The following POM121 variants were observed in gnomAD, a reference collection of about 807,000 sequenced individuals.
The protein encoded by POM121 is POM121 transmembrane nucleoporin.
POM121 carries 32 observed loss-of-function variants against 81.3 expected under a neutral mutation model. That is an observed-to-expected ratio of 0.39 (90% CI 0.30 to 0.53). The LOEUF (loss-of-function observed/expected upper bound fraction) is 0.53, where lower values mean the gene tolerates loss of function less well. POM121 is among the 20% of genes least tolerant of loss of function. The probability of loss-of-function intolerance (pLI) is 0.66; values close to 1 mark genes in which losing one functional copy is unlikely to be tolerated. For missense variants in POM121, 1,138 were observed against 1,614.6 expected (o/e 0.70, Z 5.06); for synonymous variants, 514 against 694.2 (o/e 0.74, Z 4.08).
chr7:72,916,801 G>A (rs1794330194), intron 4 of POM121, among the ~76,000 whole-genome samples: 1 of 152,176 alleles, frequency 6.6e-6, no homozygotes, highest in South Asian at 2.1e-4. Flanking sequence ...CTATGAGCAT[G>A]GAATGTGTTT....
At chr7:72,893,813 C>G (rs1310360070) in intron 3 of POM121, among the ~76,000 whole-genome samples, 1 of 152,144 alleles carries the variant, frequency 6.6e-6, no homozygotes, top group African/African-American at 2.4e-5. Flanking sequence ...CTTCCGCTCC[C>G]TTGGGTCCCA....
intron 3 of POM121, among the ~76,000 whole-genome samples, chr7:72,893,756 C>T (rs1359637855): frequency 4.6e-5 from 7 of 152,046 alleles, no homozygotes; most frequent in South Asian, 2.1e-4. Flanking sequence ...CGTCAGCAAG[C>T]GCTCTGGCAG....
At chr7:72,938,449 C>G (rs1298724317) in intron 5 of POM121, 141 bp from the exon 6 acceptor site, 2 of 1,066,926 alleles carry the variant, frequency 1.9e-6, no homozygotes, top group African/African-American at 1.6e-5. Context: ...CCTTGGCCTC[C>G]CAGCATGCTG....
chr7:72,925,209 G>T lies in POM121; in HGVS notation c.88G>T (p.Gly30Trp). 1 of 1,524,668 alleles carries T rather than the reference G, an allele frequency of 6.6e-7. No individual in the cohort carries two copies. The highest frequency in any genetic ancestry group is 1.2e-5 in the South Asian group (1 of 82,942). The allele number at this position is 1,524,668 out of a possible 1,614,324, so 94.4% of individuals were successfully genotyped here. A position where few individuals can be genotyped will look rare whatever the true frequency, so the allele number is the denominator to read the frequency against. ...VRDGRGRGCG[G>W]PARAVLLGLS... ...GGACGGCCGGGGCCGGGGCTGCGGC[G>T]GGCCGGCCAGGGCGGTGCTCCTGGG... The change falls in exon 1 of 13, where the codon GGG (glycine) becomes TGG (tryptophan). Residue 30 changes from glycine (G) to tryptophan (W), a missense_variant. Coordinates refer to ENST00000434423, the MANE Select transcript of POM121 (RefSeq NM_001387691.1).
At chr7:72,943,607 T>C (rs1191084379) in intron 11 of POM121, 85 bp downstream of exon 11, 2 of 1,513,688 alleles carry the variant, frequency 1.3e-6, no homozygotes, top group East Asian at 4.8e-5. Flanking sequence ...GAGCTTATGC[T>C]GTGGCAGTGA....
Position 72,946,470 on chromosome 7 carries a change from A to G in POM121, c.*236A>G. On this transcript the variant is annotated 3_prime_UTR_variant, in exon 13 of 13. Transcript: ENST00000434423. ...CAAAGCCCGGGACCTCTACTTGAACAGTTCTACTGGGGAGGCTGGAGAACT... is the reference window on the plus strand; with the variant it reads ...CAAAGCCCGGGACCTCTACTTGAACGGTTCTACTGGGGAGGCTGGAGAACT... 2.2e-6 allele frequency: 3 copies of G among 1,362,962 alleles called. No individual in the cohort carries two copies. The highest frequency in any genetic ancestry group is 3.4e-5 in the South Asian group (2 of 58,514). 84.4% of individuals were successfully genotyped at this position (1,362,962 alleles called of 1,614,324 possible).
chr7:72,938,537 G>C, intron 5 of POM121, 53 bp from the exon 6 acceptor site: 5 of 1,552,176 alleles, frequency 3.2e-6, no homozygotes, highest in East Asian at 2.2e-5. Flanking sequence ...GTCGTGTTGA[G>C]GGTCAGATGC....
upstream of POM121, among the ~76,000 whole-genome samples, chr7:72,920,367 T>TTTTTTTTTG (rs1432812750): frequency 1.4e-5 from 2 of 147,640 alleles, no homozygotes; most frequent in Admixed American, 1.3e-4. Context: ...TTTTTTTTTT[T>TTTTTTTTTG]AGTTGGAGTC....
intron 11 of POM121, among the ~76,000 whole-genome samples, chr7:72,943,797 G>A (rs1198778959): frequency 6.6e-6 from 1 of 152,172 alleles, no homozygotes; most frequent in Non-Finnish European, 1.5e-5. Context: ...CAATATTTTG[G>A]GAGGCCAAGG....
chr7:72,909,701 T>A (rs1586111961), intron 3 of POM121, among the ~76,000 whole-genome samples: 1 of 152,142 alleles, frequency 6.6e-6, no homozygotes, highest in Non-Finnish European at 1.5e-5. Flanking sequence ...CTGGCTGGAG[T>A]GCAATGGCCC....
chr7:72,910,868 T>C (rs564176007), intron 3 of POM121, among the ~76,000 whole-genome samples: 1 of 152,176 alleles, frequency 6.6e-6, no homozygotes, highest in Non-Finnish European at 1.5e-5. Flanking sequence ...ACAGGGTATA[T>C]AGGAGGCCAA....
At chr7:72,887,695 T>G (rs1790865627) in intron 1 of POM121, among the ~76,000 whole-genome samples, 1 of 152,082 alleles carries the variant, frequency 6.6e-6, no homozygotes. Flanking sequence ...GGCATGCTGG[T>G]GCACGCCTGT....
intron 3 of POM121, among the ~76,000 whole-genome samples, chr7:72,911,225 C>T (rs1287390014): frequency 2.0e-5 from 3 of 152,206 alleles, no homozygotes; most frequent in African/African-American, 7.2e-5. Flanking sequence ...CTCAGGTGAT[C>T]TGCCTGCCTC....
At chr7:72,922,684 C>T (rs1379212871), upstream of POM121, among the ~76,000 whole-genome samples, 6 of 152,030 alleles carry the variant, frequency 3.9e-5, no homozygotes, top group African/African-American at 1.2e-4. Context: ...CCACCATGCC[C>T]GGCCCAGAAG....
At chr7:72,950,183 G>C (rs782729966), downstream of POM121, 4 of 1,608,448 alleles carry the variant, frequency 2.5e-6, no homozygotes, top group Non-Finnish European at 3.4e-6. Flanking sequence ...TTGAGGGCTC[G>C]TAAGTCATCG....
chr7:72,942,633 C>G lies in POM121; in HGVS notation c.2640C>G (p.Ser880=). Residue 880 remains serine (S), a synonymous_variant, in exon 11 of 13, where the codon TCC becomes TCG. Transcript: ENST00000434423. ...SAASFTPAMG[S]IFQFGKPPAL... Reference sequence around the variant, plus strand: ...CCAGCTTCACCCCGGCCATGGGCTCCATATTCCAGTTTGGCAAACCTCCTG... The same window carrying G: ...CCAGCTTCACCCCGGCCATGGGCTCGATATTCCAGTTTGGCAAACCTCCTG... 1.3e-6 allele frequency: 1 copy of G among 783,256 alleles called. No individual in the cohort carries two copies. The allele number at this position is 783,256 out of a possible 1,614,324, so 48.5% of individuals were successfully genotyped here.
intron 1 of POM121, among the ~76,000 whole-genome samples, chr7:72,890,448 T>C (rs1219157901): frequency 6.6e-6 from 1 of 152,182 alleles, no homozygotes; most frequent in Non-Finnish European, 1.5e-5. Flanking sequence ...GTTTTTATTT[T>C]TGTATATATA....
At chr7:72,904,139 C>T (rs1354950336) in intron 3 of POM121, among the ~76,000 whole-genome samples, 2 of 152,198 alleles carry the variant, frequency 1.3e-5, no homozygotes, top group Non-Finnish European at 2.9e-5. Context: ...GCTTTACTCC[C>T]TGCCTGCAGG....
At chr7:72,894,626 G>GAGAGAGAGAGAGAGAGAAAGAGA (rs1365638069) in intron 3 of POM121, among the ~76,000 whole-genome samples, 4 of 23,344 alleles carry the variant, frequency 1.7e-4, no homozygotes, top group Admixed American at 5.7e-4. Context: ...GAGAGAGAGA[G>GAGAGAGAGAGAGAGAGAAAGAGA]GAGAGAGAGA....
Sources: allele counts gnomAD v4.1 joint callset (sites outside exome capture counted in the v4.1 genomes callset), GRCh38; gene constraint gnomAD v4.1.1; transcripts MANE v1.5; gene names NCBI Gene and HGNC (gene_info 2026-07-23, HGNC 2026-07-21).